The following KCNAB1 variants were observed in gnomAD, a reference collection of about 807,000 sequenced individuals.
KCNAB1 encodes potassium voltage-gated channel subfamily A regulatory beta subunit 1.
In KCNAB1, 35 loss-of-function variants were observed where a neutral mutation model predicts 64.6. That is an observed-to-expected ratio of 0.54 (90% CI 0.41 to 0.72). KCNAB1 has a LOEUF of 0.72. Ranked by LOEUF, KCNAB1 falls within the 30% of genes least tolerant of loss-of-function variation. The pLI is 0.00. For synonymous variants in KCNAB1, 177 were observed against 183.8 expected, an observed-to-expected ratio of 0.96 and a Z score of 0.30; for missense variants, 401 against 512.9, an observed-to-expected ratio of 0.78 and a Z score of 2.11.
At chr3:156,202,493 C>G (rs2010940525) in intron 1 of KCNAB1, among the ~76,000 whole-genome samples, 1 of 152,136 alleles carries the variant, frequency 6.6e-6, no homozygotes, top group South Asian at 2.1e-4. Context: ...TGTCCCTGTC[C>G]CTCAGTGGGA....
intron 1 of KCNAB1, among the ~76,000 whole-genome samples, chr3:156,397,972 T>A (rs902462285): frequency 5.3e-5 from 8 of 152,370 alleles, no homozygotes; most frequent in African/African-American, 1.4e-4. Flanking sequence ...TTTCATTGTG[T>A]GCCTTAATCA....
intron 1 of KCNAB1, among the ~76,000 whole-genome samples, chr3:156,420,907 T>G (rs1477185705): frequency 6.6e-6 from 1 of 151,524 alleles, no homozygotes; most frequent in Admixed American, 6.6e-5. Flanking sequence ...TATCTGATGT[T>G]CCCGTGGTAA....
At chr3:156,293,872 G>A (rs936812758) in intron 1 of KCNAB1, among the ~76,000 whole-genome samples, 12 of 152,378 alleles carry the variant, frequency 7.9e-5, no homozygotes, top group South Asian at 2.1e-4. Context: ...CAGCTACTGA[G>A]ATGGAGATGA....
chr3:156,311,301 T>C (rs139475129), intron 1 of KCNAB1, among the ~76,000 whole-genome samples: 1 of 152,118 alleles, frequency 6.6e-6, no homozygotes, highest in African/African-American at 2.4e-5. Flanking sequence ...AGAAGTTGAG[T>C]TGAAAGTTGT....
At chr3:156,461,725 C>T (rs1220972615) in intron 5 of KCNAB1, among the ~76,000 whole-genome samples, 6 of 152,186 alleles carry the variant, frequency 3.9e-5, no homozygotes, top group Non-Finnish European at 5.9e-5. Flanking sequence ...ATTAAATTAT[C>T]ACTCTCCATA....
chr3:156,132,787 T>C (rs1714081774), intron 1 of KCNAB1, among the ~76,000 whole-genome samples: 1 of 152,216 alleles, frequency 6.6e-6, no homozygotes, highest in Non-Finnish European at 1.5e-5. Context: ...CCAGGATTCA[T>C]AACAACAGAC....
chr3:156,296,544 G>T (rs1217228749), intron 1 of KCNAB1, among the ~76,000 whole-genome samples: 1 of 141,204 alleles, frequency 7.1e-6, no homozygotes, highest in East Asian at 2.1e-4. Context: ...CGCCGTCTCA[G>T]CTCACTGCAA....
At chr3:156,401,287 A>G (rs1055923718) in intron 1 of KCNAB1, among the ~76,000 whole-genome samples, 3 of 152,248 alleles carry the variant, frequency 2.0e-5, no homozygotes, top group African/African-American at 7.2e-5. Context: ...ACATACGTGT[A>G]TGTGCAAACT....
At chr3:156,205,288 A>T (rs535812919) in intron 1 of KCNAB1, among the ~76,000 whole-genome samples, 4 of 152,192 alleles carry the variant, frequency 2.6e-5, no homozygotes, top group Non-Finnish European at 5.9e-5. Context: ...CCACCTTGGT[A>T]TGAATTTTTG....
intron 1 of KCNAB1, among the ~76,000 whole-genome samples, chr3:156,169,679 C>T (rs141473523): frequency 1.2e-3 from 188 of 152,232 alleles, no homozygotes; most frequent in African/African-American, 4.4e-3. Flanking sequence ...AGTGCTGTCT[C>T]GTGATAGAGT....
chr3:156,518,125 TAA>T (rs1369121430), intron 11 of KCNAB1, among the ~76,000 whole-genome samples: 1 of 151,944 alleles, frequency 6.6e-6, no homozygotes, highest in African/African-American at 2.4e-5. Context: ...AAAGAAAGAG[TAA>T]TGAATGTTTG....
intron 1 of KCNAB1, chr3:156,217,080 T>C (rs1466412426): frequency 6.6e-6 from 1 of 152,248 alleles, no homozygotes; most frequent in Non-Finnish European, 1.5e-5. Context: ...AGGTGACTGA[T>C]GTTTGCCAAA....
At chr3:156,457,658 G>C (rs1270291036) in intron 4 of KCNAB1, 126 bp downstream of exon 4, 1 of 787,636 alleles carries the variant, frequency 1.3e-6, no homozygotes, top group East Asian at 2.5e-5. Context: ...GCTCTGCTCT[G>C]TTCTGCCCTC....
At chr3:156,299,388 C>T (rs957724321) in intron 1 of KCNAB1, among the ~76,000 whole-genome samples, 75 of 152,334 alleles carry the variant, frequency 4.9e-4, no homozygotes, top group African/African-American at 1.6e-3. Context: ...GCCACAGAGG[C>T]TCTTCACTGG....
chr3:156,191,233 C>G (rs1713541780), intron 1 of KCNAB1, among the ~76,000 whole-genome samples: 1 of 152,254 alleles, frequency 6.6e-6, no homozygotes, highest in Non-Finnish European at 1.5e-5. Context: ...TTTGCCTGTG[C>G]AGCAGCCTTA....
intron 13 of KCNAB1, among the ~76,000 whole-genome samples, chr3:156,535,314 A>T (rs532044057): frequency 6.6e-5 from 10 of 152,212 alleles, no homozygotes; most frequent in Non-Finnish European, 1.3e-4. Context: ...TGGTCGTCAG[A>T]ATTGTATTTC....
Position 156,386,494 on chromosome 3 carries a change from C to T in KCNAB1, c.276-35122C>T, listed in dbSNP as rs141255698. ...CTCTGGCATCTGCATTCAATTGACA[C>T]TTCAGTGCAACAGGTGTGGACCATC... On this transcript the variant is annotated intron_variant, in intron 1 of 13. Coordinates refer to ENST00000490337, the MANE Select transcript of KCNAB1 (RefSeq NM_172160.3). 3.3e-5 allele frequency among the ~76,000 whole-genome samples: 5 copies of T among 152,314 alleles called. No individual in the cohort carries two copies. The East Asian group carries it at 9.6e-4, about 29-fold the overall frequency.
At chr3:156,200,411 C>T (rs533513479) in intron 1 of KCNAB1, among the ~76,000 whole-genome samples, 8 of 152,222 alleles carry the variant, frequency 5.3e-5, no homozygotes. Flanking sequence ...TCTGCTGAAG[C>T]TGCGCCCATA....
chr3:156,506,518 G>T (rs1375196910), intron 8 of KCNAB1, among the ~76,000 whole-genome samples: 1 of 152,218 alleles, frequency 6.6e-6, no homozygotes, highest in Non-Finnish European at 1.5e-5. Flanking sequence ...GCAGAGAGGA[G>T]AGGTTGAGGA....
Sources: gnomAD v4.1 joint callset for allele counts (sites outside exome capture counted in the v4.1 genomes callset) on GRCh38, gnomAD v4.1.1 for gene constraint, MANE v1.5 for transcripts, NCBI Gene and HGNC (gene_info 2026-07-23, HGNC 2026-07-21) for gene names.